Variants in PMP22 observed in about 807,000 individuals in gnomAD.
PMP22 encodes the protein Charcot-Marie-Tooth neuropathy 1A (greatly reduced nerve conduction velocity, hereditary motor sensory neuropathy Ia).
A neutral mutation model predicts 18.9 loss-of-function variants in PMP22; 2 were observed. The ratio of observed to expected loss-of-function variants is 0.11; its 90% confidence interval spans 0.04 to 0.33. The LOEUF (loss-of-function observed/expected upper bound fraction) is 0.33. PMP22 is among the 10% of genes least tolerant of loss of function. The pLI, the probability that PMP22 is intolerant of heterozygous loss-of-function variation, is 1.00. For synonymous variants in PMP22, 95 were observed against 89.2 expected (o/e 1.07, Z -0.37); for missense variants, 169 against 202.2 (o/e 0.84, Z 1.00).
In PMP22 at chr17:15,230,845, T is replaced by C. The variant is rs1480175288; in HGVS notation, c.*72A>G. 3.2e-6 allele frequency: 5 copies of C among 1,553,066 alleles called. No homozygotes were observed. The Admixed American group carries it at 8.4e-5, about 26-fold the overall frequency. ...GATTTTGGGCTAGCTCTTTTTTCTTTGTCTGCTTTCTGTTTTCCCTTCCTC... is the reference window on the plus strand; with the variant it reads ...GATTTTGGGCTAGCTCTTTTTTCTTCGTCTGCTTTCTGTTTTCCCTTCCTC... On this transcript the variant is annotated 3_prime_UTR_variant, in exon 5 of 5. Transcript: ENST00000312280.
At chr17:15,235,275 G>A (rs748672868) in intron 4 of PMP22, 1 of 717,556 alleles carries the variant, frequency 1.4e-6, no homozygotes, top group Non-Finnish European at 2.6e-6. Flanking sequence ...CATTTGACTT[G>A]AGTTTGATTC....
At chr17:15,255,962 C>A (rs9900407) in intron 3 of PMP22, among the ~76,000 whole-genome samples, 13,937 of 152,154 alleles carry the variant, frequency 0.092, 2,047 homozygotes, top group African/African-American at 0.31. Flanking sequence ...AAGGCCCATG[C>A]ATTCCAGATC....
At chr17:15,236,212 C>T (rs187119794) in intron 4 of PMP22, among the ~76,000 whole-genome samples, 110 of 152,288 alleles carry the variant, frequency 7.2e-4, no homozygotes, top group Non-Finnish European at 9.4e-4. Context: ...AACTGTCAGC[C>T]TTGTGGCTAA....
intron 3 of PMP22, among the ~76,000 whole-genome samples, chr17:15,252,224 T>C (rs1431886840): frequency 2.0e-5 from 3 of 152,196 alleles, no homozygotes; most frequent in Admixed American, 1.3e-4. Context: ...AATGACAGTG[T>C]CACCAAATTG....
chr17:15,253,976 T>C (rs952347188), intron 3 of PMP22, among the ~76,000 whole-genome samples: 1 of 152,032 alleles, frequency 6.6e-6, no homozygotes, highest in Non-Finnish European at 1.5e-5. Flanking sequence ...TACACGAGAG[T>C]TGTTCAAGAA....
Position 15,258,949 on chromosome 17 carries a change from G to T in PMP22, c.178+145C>A. The T allele has an allele frequency of 1.4e-6, 1 of 708,926 alleles. No homozygotes were observed. Among genetic ancestry groups the T allele is most frequent in the East Asian group, 2.7e-5 (1 of 37,028 alleles). The allele number at this position is 708,926 out of a possible 1,614,324, so 43.9% of individuals were successfully genotyped here. On this transcript the variant is annotated intron_variant, in intron 3 of 4. Coordinates refer to ENST00000312280, the MANE Select transcript of PMP22 (RefSeq NM_000304.4). This position sits in a 1 kb window ranked among gnomAD's most constrained non-coding sequence, Gnocchi z 4.1. ...GATCACCACCCCTCCCATTTTCCCT[G>T]GACTCATGGCTCCCTGTCACATCCC...
At chr17:15,233,769 T>C (rs1384875752) in intron 4 of PMP22, among the ~76,000 whole-genome samples, 1 of 152,178 alleles carries the variant, frequency 6.6e-6, no homozygotes, top group Non-Finnish European at 1.5e-5. Context: ...TATAGTTCGA[T>C]GGAATTTCGA....
intron 1 of PMP22, among the ~76,000 whole-genome samples, chr17:15,263,545 GT>G (rs1278514820): frequency 6.6e-6 from 1 of 150,736 alleles, no homozygotes; most frequent in East Asian, 2.0e-4. Flanking sequence ...GATGTTAAAG[GT>G]TTCTGCCTGA....
intron 3 of PMP22, among the ~76,000 whole-genome samples, chr17:15,255,818 C>T (rs1002625089): frequency 4.6e-5 from 7 of 152,154 alleles, no homozygotes; most frequent in Non-Finnish European, 5.9e-5. Context: ...ATTTCCCATC[C>T]GCTTCCTCCC....
At chr17:15,235,406 A>G in intron 4 of PMP22, 1 of 696,342 alleles carries the variant, frequency 1.4e-6, no homozygotes. Context: ...AAACGTGCAA[A>G]TCTTCCTTTT....
At chr17:15,240,405 ATTTT>A (rs59646634) in intron 3 of PMP22, among the ~76,000 whole-genome samples, 10 of 121,392 alleles carry the variant, frequency 8.2e-5, no homozygotes, top group African/African-American at 1.5e-4. Flanking sequence ...GACAACCCGT[ATTTT>A]TTTTTTTTTT....
At chr17:15,263,775 T>C (rs1340877587) in intron 1 of PMP22, among the ~76,000 whole-genome samples, 2 of 152,234 alleles carry the variant, frequency 1.3e-5, no homozygotes, top group Non-Finnish European at 2.9e-5. Context: ...TTTTTAAAAC[T>C]ATCGTGTTAT....
intron 3 of PMP22, among the ~76,000 whole-genome samples, chr17:15,241,233 T>C (rs1254697157): frequency 6.6e-6 from 1 of 152,230 alleles, no homozygotes; most frequent in African/African-American, 2.4e-5. Flanking sequence ...TTGTGAGCCA[T>C]CCTGATTTCA....
At chr17:15,256,199 T>C (rs1908811835) in intron 3 of PMP22, among the ~76,000 whole-genome samples, 3 of 152,156 alleles carry the variant, frequency 2.0e-5, no homozygotes, top group Non-Finnish European at 4.4e-5. Flanking sequence ...ATCTGGTGTG[T>C]CTCTTTCAAA....
At chr17:15,234,876 G>A (rs924938844) in intron 4 of PMP22, among the ~76,000 whole-genome samples, 2 of 151,886 alleles carry the variant, frequency 1.3e-5, no homozygotes, top group African/African-American at 4.8e-5. Flanking sequence ...AAGTGCAGGG[G>A]CCTGATCATA....
At position 15,230,207 on chromosome 17, in the gene PMP22, A is replaced by C. The variant is rs1906184696; in HGVS notation, c.*710T>G. 2 of 153,128 alleles carry C rather than the reference A, an allele frequency of 1.3e-5. No homozygotes were observed. 9.5% of individuals were successfully genotyped at this position (153,128 alleles called of 1,614,324 possible). The stretch of plus-strand genomic sequence containing the variant: ...TTTCCAGTGAGTTGTTTAGATGATT[A>C]GTGATAATAAGGAATGGTAAATCCA... On this transcript the variant is annotated 3_prime_UTR_variant, in exon 5 of 5. Transcript: ENST00000312280.
chr17:15,233,766 C>T (rs1451269492), intron 4 of PMP22, among the ~76,000 whole-genome samples: 2 of 152,140 alleles, frequency 1.3e-5, no homozygotes, highest in African/African-American at 4.8e-5. Flanking sequence ...CAATATAGTT[C>T]GATGGAATTT....
intron 3 of PMP22, among the ~76,000 whole-genome samples, chr17:15,254,458 AC>A (rs1860001544): frequency 6.6e-6 from 1 of 152,100 alleles, no homozygotes; most frequent in Non-Finnish European, 1.5e-5. Flanking sequence ...GTCAAGGCAG[AC>A]TCTAGATGTT....
At chr17:15,263,722 G>A (rs1215057347) in intron 1 of PMP22, among the ~76,000 whole-genome samples, 1 of 151,952 alleles carries the variant, frequency 6.6e-6, no homozygotes, top group Admixed American at 6.6e-5. Flanking sequence ...ATATTCTTAC[G>A]GTAAGTAAAA....
Sources: gnomAD v4.1 joint callset for allele counts (sites outside exome capture counted in the v4.1 genomes callset) on GRCh38, gnomAD v4.1.1 for gene constraint, Gnocchi (gnomAD v3.1) non-coding constraint, MANE v1.5 for transcripts, NCBI Gene and HGNC (gene_info 2026-07-23, HGNC 2026-07-21) for gene names.